The following SV2C variants were observed in gnomAD, a reference collection of about 807,000 sequenced individuals.
SV2C encodes solute carrier family 22 member B3.
A neutral mutation model predicts 79.7 loss-of-function variants in SV2C; 49 were observed. The ratio of observed to expected loss-of-function variants is 0.61; its 90% CI spans 0.49 to 0.78. SV2C has a LOEUF of 0.78. Ranked by LOEUF, SV2C falls within the 30% of genes least tolerant of loss-of-function variation. The pLI is 0.00. For synonymous variants in SV2C, 334 were observed against 333.2 expected (o/e 1.00, Z -0.03); for missense variants, 833 against 912.9 (o/e 0.91, Z 1.13).
the SV2C span, among the ~76,000 whole-genome samples, chr5:76,013,392 A>G: frequency 6.6e-5 from 10 of 152,162 alleles, no homozygotes; most frequent in Non-Finnish European, 2.9e-5. Context: ...TTCACTCATA[A>G]TTTGGCTCCC....
intron 4 of SV2C, among the ~76,000 whole-genome samples, chr5:76,271,894 A>C (rs537300734): frequency 6.6e-6 from 1 of 152,288 alleles, no homozygotes; most frequent in South Asian, 2.1e-4. Flanking sequence ...GGAGAGTATG[A>C]TGTCCCCTTG....
At chr5:76,009,876 C>A in the SV2C span, among the ~76,000 whole-genome samples, 1 of 151,720 alleles carries the variant, frequency 6.6e-6, no homozygotes, top group Non-Finnish European at 1.5e-5. Context: ...AGGTAACAAA[C>A]CTGAACATGT....
At chr5:75,950,403 G>A in the SV2C span, among the ~76,000 whole-genome samples, 17 of 151,982 alleles carry the variant, frequency 1.1e-4, no homozygotes, top group Non-Finnish European at 2.1e-4. Context: ...GGAAGTTATT[G>A]TCCATCTTGT....
At chr5:76,109,320 A>G (rs989428228) in intron 1 of SV2C, among the ~76,000 whole-genome samples, 1 of 152,162 alleles carries the variant, frequency 6.6e-6, no homozygotes, top group Non-Finnish European at 1.5e-5. Flanking sequence ...TACTATGTCC[A>G]ATGAACAGTA....
chr5:76,057,206 T>C, the SV2C span, among the ~76,000 whole-genome samples: 1 of 152,218 alleles, frequency 6.6e-6, no homozygotes, highest in Non-Finnish European at 1.5e-5. Context: ...TTTGTTCTCA[T>C]TGGTTTCAAA....
At chr5:75,884,161 T>G in the SV2C span, among the ~76,000 whole-genome samples, 2 of 152,266 alleles carry the variant, frequency 1.3e-5, 1 homozygote, top group South Asian at 4.2e-4. Flanking sequence ...CTAACCATGC[T>G]CCCTGGGTGT....
intron 1 of SV2C, among the ~76,000 whole-genome samples, chr5:76,092,036 T>C (rs1191923498): frequency 6.6e-6 from 1 of 152,186 alleles, no homozygotes; most frequent in African/African-American, 2.4e-5. Flanking sequence ...GAAGATGTTG[T>C]TAGTTAAAAA....
intron 1 of SV2C, among the ~76,000 whole-genome samples, chr5:76,084,495 T>C (rs10038757): frequency 0.21 from 29,875 of 139,354 alleles, 3,229 homozygotes; most frequent in East Asian, 0.46. Flanking sequence ...GAACTTGGCT[T>C]GGGGCAGCCA....
intron 4 of SV2C, among the ~76,000 whole-genome samples, chr5:76,227,979 T>C (rs1336571214): frequency 1.3e-5 from 2 of 152,228 alleles, no homozygotes; most frequent in African/African-American, 2.4e-5. Flanking sequence ...CCCGAGGTTT[T>C]ATCATTGCTA....
At chr5:76,117,797 T>G (rs1025696259) in intron 1 of SV2C, among the ~76,000 whole-genome samples, 6 of 152,050 alleles carry the variant, frequency 3.9e-5, no homozygotes, top group Non-Finnish European at 7.4e-5. Flanking sequence ...AGAACGAATA[T>G]AGATGAATGT....
chr5:75,911,734 G>A, the SV2C span: 1 of 645,150 alleles, frequency 1.6e-6, no homozygotes, highest in South Asian at 1.4e-5. Flanking sequence ...AGACAAGAAA[G>A]AGGATAATAA....
intron 4 of SV2C, among the ~76,000 whole-genome samples, chr5:76,275,238 C>T (rs1187370083): frequency 1.3e-5 from 2 of 152,080 alleles, no homozygotes; most frequent in Non-Finnish European, 2.9e-5. Context: ...CTGTAATCCC[C>T]GCACTTTGGG....
At chr5:76,345,680 T>C (rs959792302) in intron 12 of SV2C, among the ~76,000 whole-genome samples, 1 of 152,210 alleles carries the variant, frequency 6.6e-6, no homozygotes, top group African/African-American at 2.4e-5. Context: ...AGCTAACAAT[T>C]ACAGAGCATT....
At chr5:76,152,914 A>T (rs762621619) in intron 2 of SV2C, among the ~76,000 whole-genome samples, 8 of 152,130 alleles carry the variant, frequency 5.3e-5, no homozygotes, top group Non-Finnish European at 1.0e-4. Flanking sequence ...CATGGATCAT[A>T]TTTTTTCTGC....
At chr5:76,158,158 G>A (rs936785276) in intron 2 of SV2C, among the ~76,000 whole-genome samples, 11 of 151,726 alleles carry the variant, frequency 7.2e-5, no homozygotes, top group South Asian at 2.1e-4. Context: ...TATAGGAAAC[G>A]AAAAGTAGAA....
At chr5:76,306,478 T>C (rs932242689) in intron 12 of SV2C, among the ~76,000 whole-genome samples, 5 of 152,224 alleles carry the variant, frequency 3.3e-5, no homozygotes, top group Non-Finnish European at 7.3e-5. Flanking sequence ...TAAAGTGCAA[T>C]TTATTATCCA....
intron 1 of SV2C, among the ~76,000 whole-genome samples, chr5:76,116,031 C>T (rs1748252516): frequency 1.3e-5 from 2 of 152,242 alleles, no homozygotes; most frequent in Non-Finnish European, 2.9e-5. Context: ...GCTCAGTCTC[C>T]TACCTTGGCC....
chr5:76,004,378 T>G, the SV2C span, among the ~76,000 whole-genome samples: 8,024 of 152,246 alleles, frequency 0.053, 252 homozygotes, highest in Middle Eastern at 0.092. Flanking sequence ...TCTAAGAGTT[T>G]TTTTCTTTGT....
intron 2 of SV2C, among the ~76,000 whole-genome samples, chr5:76,139,977 T>A (rs1678628131): frequency 6.6e-6 from 1 of 151,882 alleles, no homozygotes; most frequent in African/African-American, 2.4e-5. Flanking sequence ...TGAAAGTTTT[T>A]AAAATATTTC....
Sources: allele counts gnomAD v4.1 joint callset (sites outside exome capture counted in the v4.1 genomes callset), GRCh38; gene constraint gnomAD v4.1.1; transcripts MANE v1.5; gene names NCBI Gene and HGNC (gene_info 2026-07-23, HGNC 2026-07-21).